The following MAGI3 variants were observed in gnomAD, a reference collection of about 807,000 sequenced individuals.
The protein encoded by MAGI3 is membrane associated guanylate kinase, WW and PDZ domain containing 3.
In MAGI3, 43 loss-of-function variants were observed where a neutral mutation model predicts 121.8. The observed-to-expected ratio is 0.35, with a 90% CI of 0.28 to 0.46. MAGI3 has a LOEUF of 0.46. Ranked by LOEUF, MAGI3 falls within the 20% of genes least tolerant of loss-of-function variation. The pLI is 1.00. For missense variants in MAGI3, 1,547 were observed against 1,797.3 expected, an observed-to-expected ratio of 0.86 and a Z score of 2.52; for synonymous variants, 553 against 639.3, an observed-to-expected ratio of 0.86 and a Z score of 2.04.
intron 12 of MAGI3, among the ~76,000 whole-genome samples, chr1:113,648,345 A>C (rs759668361): frequency 7.2e-5 from 11 of 152,016 alleles, no homozygotes; most frequent in Non-Finnish European, 1.5e-4. Context: ...CTTCTTACCT[A>C]TAAATAACAT....
At chr1:113,582,075 CA>C (rs1648075243) in intron 3 of MAGI3, among the ~76,000 whole-genome samples, 1 of 151,814 alleles carries the variant, frequency 6.6e-6, no homozygotes, top group Non-Finnish European at 1.5e-5. Context: ...GTGCTCAATT[CA>C]AAGAAAATGC....
At chr1:113,580,740 T>C (rs1016916748) in intron 3 of MAGI3, 79 bp downstream of exon 3, 20 of 1,349,936 alleles carry the variant, frequency 1.5e-5, no homozygotes, top group Non-Finnish European at 1.9e-5. Flanking sequence ...ATTTGACCAG[T>C]AAAGTACCAC....
At chr1:113,463,414 T>C (rs1319750350) in intron 1 of MAGI3, among the ~76,000 whole-genome samples, 2 of 151,318 alleles carry the variant, frequency 1.3e-5, no homozygotes, top group African/African-American at 2.4e-5. Flanking sequence ...ACCAGTGAGG[T>C]AGAAACCTGT....
intron 6 of MAGI3, among the ~76,000 whole-genome samples, chr1:113,598,894 C>T (rs978085004): frequency 6.6e-6 from 1 of 152,150 alleles, no homozygotes; most frequent in East Asian, 1.9e-4. Flanking sequence ...GCACATGGAA[C>T]CTTCTGCAAA....
intron 7 of MAGI3, among the ~76,000 whole-genome samples, chr1:113,616,473 C>G (rs1650473151): frequency 6.6e-6 from 1 of 152,192 alleles, no homozygotes; most frequent in African/African-American, 2.4e-5. Context: ...CTTTGGCTCT[C>G]TTAGTTTGTC....
At chr1:113,672,098 G>C (rs1024229757) in intron 17 of MAGI3, among the ~76,000 whole-genome samples, 1 of 152,238 alleles carries the variant, frequency 6.6e-6, no homozygotes, top group African/African-American at 2.4e-5. Context: ...GGATTAGAAA[G>C]AAATGACATA....
chr1:113,451,288 G>A lies in MAGI3; in HGVS notation c.316+59939G>A, dbSNP rs185625423. On this transcript the variant is annotated intron_variant, in intron 1 of 20. Transcript: ENST00000307546. ...TTTAACCTGTAAAATTGATCTCATCGTAAACAGCTTTGAGAGTATACAGAT... is the reference window on the plus strand; with the variant it reads ...TTTAACCTGTAAAATTGATCTCATCATAAACAGCTTTGAGAGTATACAGAT... Among the ~76,000 whole-genome samples the A allele has an allele frequency of 2.6e-5, 4 of 152,202 alleles. No homozygotes were observed. In the East Asian group the frequency reaches 5.8e-4, roughly 22 times the overall value.
At chr1:113,528,996 G>C (rs1658580480) in intron 1 of MAGI3, among the ~76,000 whole-genome samples, 2 of 152,098 alleles carry the variant, frequency 1.3e-5, no homozygotes, top group South Asian at 4.1e-4. Flanking sequence ...CTTGTTTTCG[G>C]TCAAAGTTTG....
intron 2 of MAGI3, among the ~76,000 whole-genome samples, chr1:113,574,795 C>T (rs1647520595): frequency 1.3e-5 from 2 of 152,146 alleles, no homozygotes; most frequent in Admixed American, 1.3e-4. Flanking sequence ...CAACTTGGTC[C>T]CATTCTCCCT....
At chr1:113,592,771 G>A (rs1241018126) in intron 5 of MAGI3, among the ~76,000 whole-genome samples, 1 of 152,146 alleles carries the variant, frequency 6.6e-6, no homozygotes, top group East Asian at 1.9e-4. Flanking sequence ...CCAGCACTTT[G>A]GGAGGCCGAG....
At chr1:113,602,823 G>A (rs554854859) in intron 6 of MAGI3, among the ~76,000 whole-genome samples, 90 of 152,266 alleles carry the variant, frequency 5.9e-4, no homozygotes, top group African/African-American at 1.7e-3. Context: ...CTGCTCCAGA[G>A]GCTGAGGTGG....
rs141068734 is a variant in MAGI3 at position 113,504,262 on chromosome 1, C to G, written c.317-45253C>G. Among the ~76,000 whole-genome samples, 64 of 151,994 alleles carry G rather than the reference C, an allele frequency of 4.2e-4. 1 individual carries two copies. Among genetic ancestry groups the G allele is most frequent in the Non-Finnish European group, 1.5e-4 (10 of 67,884 alleles). Reference sequence around the variant, plus strand: ...TTAAAACTTATATTGCAAAAGAGAACATAAAATTAATAGTCCAAATAAAAT... The same window carrying G: ...TTAAAACTTATATTGCAAAAGAGAAGATAAAATTAATAGTCCAAATAAAAT... On this transcript the variant is annotated intron_variant, in intron 1 of 20. Coordinates refer to ENST00000307546, the MANE Select transcript of MAGI3 (RefSeq NM_001142782.2).
intron 9 of MAGI3, among the ~76,000 whole-genome samples, chr1:113,635,871 T>A (rs1233356853): frequency 4.6e-5 from 7 of 151,936 alleles, no homozygotes; most frequent in Non-Finnish European, 8.8e-5. Context: ...TCTTTTTGGT[T>A]GGTAAGCTAT....
intron 2 of MAGI3, among the ~76,000 whole-genome samples, chr1:113,558,095 A>G (rs1660074184): frequency 6.6e-6 from 1 of 152,222 alleles, no homozygotes; most frequent in Non-Finnish European, 1.5e-5. Context: ...TAAGCCCACA[A>G]TGATGAGAAA....
chr1:113,460,114 A>G (rs949418842), intron 1 of MAGI3, among the ~76,000 whole-genome samples: 13 of 152,346 alleles, frequency 8.5e-5, no homozygotes, highest in African/African-American at 3.1e-4. Context: ...GATTGGTTCA[A>G]CATACACAAA....
At chr1:113,651,487 G>A (rs1209304907) in intron 14 of MAGI3, among the ~76,000 whole-genome samples, 1 of 151,896 alleles carries the variant, frequency 6.6e-6, no homozygotes, top group Non-Finnish European at 1.5e-5. Context: ...ATTTAAATCC[G>A]GTTTTGTTTT....
rs1400276046 is a variant in MAGI3 at position 113,658,882 on chromosome 1, GTATT to G, written c.2630-194_2630-191del. ...TGCTATGATTACAACTGTGTAAAGA[GTATT>G]TATGCATGTGGGCAAAAGTGAGAAG... On this transcript the variant is annotated intron_variant, in intron 15 of 20. Coordinates refer to ENST00000307546, the MANE Select transcript of MAGI3 (RefSeq NM_001142782.2). This position sits in a 1 kb window ranked among gnomAD's most constrained non-coding sequence, Gnocchi z 4.0. Among the ~76,000 whole-genome samples the G allele has an allele frequency of 2.0e-5, 3 of 152,338 alleles. No homozygotes were observed. The highest frequency in any genetic ancestry group is 7.2e-5 in the African/African-American group (3 of 41,576).
intron 2 of MAGI3, among the ~76,000 whole-genome samples, chr1:113,567,945 G>A (rs1660500313): frequency 6.6e-6 from 1 of 152,018 alleles, no homozygotes; most frequent in South Asian, 2.1e-4. Context: ...CATCTTAAAT[G>A]TAAAAAGAAT....
chr1:113,492,061 A>G (rs1428109336), intron 1 of MAGI3, among the ~76,000 whole-genome samples: 2 of 152,086 alleles, frequency 1.3e-5, no homozygotes, highest in African/African-American at 4.8e-5. Flanking sequence ...CAGAGACACA[A>G]CAAAAAAAGA....
Sources: allele counts gnomAD v4.1 joint callset (sites outside exome capture counted in the v4.1 genomes callset), GRCh38; gene constraint gnomAD v4.1.1; non-coding constraint Gnocchi (gnomAD v3.1); transcripts MANE v1.5; gene names NCBI Gene and HGNC (gene_info 2026-07-23, HGNC 2026-07-21).